GRIN3A: variants seen among roughly 807,000 people sequenced by gnomAD.
The protein encoded by GRIN3A is glutamate receptor ionotropic, NMDA 3A.
Under a neutral mutation model 92.4 loss-of-function variants are expected in GRIN3A, and 47 were observed. The ratio of observed to expected loss-of-function variants is 0.51; its 90% CI spans 0.40 to 0.65. The LOEUF is 0.65. Ranked by LOEUF, GRIN3A falls within the 30% of genes least tolerant of loss-of-function variation. The pLI is 0.00. For synonymous variants in GRIN3A, 527 were observed against 540.6 expected, an observed-to-expected ratio of 0.97 and a Z score of 0.35; for missense variants, 1,324 against 1,393.1, an observed-to-expected ratio of 0.95 and a Z score of 0.79.
chr9:101,620,383 C>T lies in GRIN3A; in HGVS notation c.2614+2935G>A, dbSNP rs151018225. 2.0e-5 allele frequency among the ~76,000 whole-genome samples: 3 copies of T among 152,204 alleles called. No homozygotes were observed. In the East Asian group the frequency reaches 5.8e-4, roughly 29 times the overall value. On this transcript the variant is annotated intron_variant, in intron 5 of 8. Coordinates refer to ENST00000361820, the MANE Select transcript of GRIN3A (RefSeq NM_133445.3). Reference sequence around the variant, plus strand: ...GAAACTTCATGACCTAATACCATCACCCTGGGGATTAGGTTTCAACATATG... The same window carrying T: ...GAAACTTCATGACCTAATACCATCATCCTGGGGATTAGGTTTCAACATATG...
At chr9:101,669,114 T>A (rs563755533) in intron 3 of GRIN3A, among the ~76,000 whole-genome samples, 40 of 152,236 alleles carry the variant, frequency 2.6e-4, no homozygotes, top group African/African-American at 8.9e-4. Flanking sequence ...GTATCCTACA[T>A]GTTGGAATGC....
At chr9:101,664,615 CT>C (rs1474575673) in intron 3 of GRIN3A, among the ~76,000 whole-genome samples, 2 of 151,888 alleles carry the variant, frequency 1.3e-5, no homozygotes, top group African/African-American at 4.8e-5. Context: ...TTCTGACCCC[CT>C]ATCAGGAAAA....
At chr9:101,618,664 G>A (rs563489820) in intron 5 of GRIN3A, among the ~76,000 whole-genome samples, 79 of 152,120 alleles carry the variant, frequency 5.2e-4, no homozygotes, top group Non-Finnish European at 9.1e-4. Context: ...TGGAATGATG[G>A]GAAAAATAGG....
At chr9:101,577,946 C>A (rs1379911013) in intron 7 of GRIN3A, 102 bp from the exon 8 acceptor site, 8 of 842,518 alleles carry the variant, frequency 9.5e-6, no homozygotes, top group Middle Eastern at 2.2e-4. Context: ...TCGTTACAAA[C>A]CTTGGCCTCT....
At chr9:101,667,806 T>A (rs1373860197) in intron 3 of GRIN3A, among the ~76,000 whole-genome samples, 2 of 152,026 alleles carry the variant, frequency 1.3e-5, no homozygotes, top group Admixed American at 6.6e-5. Context: ...AAAAATTCTA[T>A]CACAACAATT....
At chr9:101,692,232 CTGTT>C (rs1394428016) in intron 1 of GRIN3A, among the ~76,000 whole-genome samples, 1 of 152,086 alleles carries the variant, frequency 6.6e-6, no homozygotes, top group Non-Finnish European at 1.5e-5. Flanking sequence ...TTGGGAGAGG[CTGTT>C]TATTTGGGAG....
chr9:101,613,534 G>A lies in GRIN3A; in HGVS notation c.2615-7C>T, dbSNP rs769122436. 1.2e-6 allele frequency: 2 copies of A among 1,613,996 alleles called. No individual in the cohort carries two copies. The highest frequency in any genetic ancestry group is 2.2e-5 in the South Asian group (2 of 91,054). On this transcript the variant is annotated splice_polypyrimidine_tract_variant and splice_region_variant and intron_variant, in intron 5 of 8. Coordinates refer to ENST00000361820, the MANE Select transcript of GRIN3A (RefSeq NM_133445.3). ...GGGAGGCCAATGCCGTATCCTAGAA[G>A]AAAATACAATCTCAGATGAGTTTTT...
chr9:101,694,650 A>G (rs999952041), intron 1 of GRIN3A, among the ~76,000 whole-genome samples: 2 of 152,156 alleles, frequency 1.3e-5, no homozygotes. Flanking sequence ...CAGCCCACTC[A>G]TATAAATTAT....
At chr9:101,724,069 C>T (rs939216122) in intron 1 of GRIN3A, among the ~76,000 whole-genome samples, 44 of 152,332 alleles carry the variant, frequency 2.9e-4, no homozygotes, top group African/African-American at 9.6e-4. Context: ...GATCCTGCAC[C>T]GGGGCTGCAG....
intron 6 of GRIN3A, among the ~76,000 whole-genome samples, chr9:101,580,616 A>G (rs1023194187): frequency 9.9e-5 from 15 of 152,230 alleles, no homozygotes; most frequent in African/African-American, 3.6e-4. Context: ...AAGTGAGACC[A>G]GAGAAGTGTA....
chr9:101,677,344 T>C (rs1171927015), intron 2 of GRIN3A, among the ~76,000 whole-genome samples: 1 of 152,028 alleles, frequency 6.6e-6, no homozygotes, highest in Non-Finnish European at 1.5e-5. Context: ...TCTTTAATAC[T>C]CTTTATTTTA....
chr9:101,661,748 G>C (rs1266685175), intron 3 of GRIN3A, among the ~76,000 whole-genome samples: 1 of 151,772 alleles, frequency 6.6e-6, no homozygotes, highest in Non-Finnish European at 1.5e-5. Context: ...GGGCGAAAGG[G>C]CATAAACTCT....
At chr9:101,726,758 A>T (rs969933836) in intron 1 of GRIN3A, among the ~76,000 whole-genome samples, 2 of 151,378 alleles carry the variant, frequency 1.3e-5, no homozygotes, top group Non-Finnish European at 2.9e-5. Context: ...TAAATTTTTA[A>T]AAAGTTTTTT....
chr9:101,707,616 G>A (rs1287098772), intron 1 of GRIN3A, among the ~76,000 whole-genome samples: 2 of 152,108 alleles, frequency 1.3e-5, no homozygotes, highest in Non-Finnish European at 2.9e-5. Flanking sequence ...AAGCAACATT[G>A]ATTTTGTTTT....
intron 6 of GRIN3A, chr9:101,594,920 A>G (rs1343380268): frequency 2.5e-6 from 4 of 1,598,150 alleles, no homozygotes; most frequent in South Asian, 2.2e-5. Context: ...CTCGTTTCCC[A>G]TTGTGGACAT....
chr9:101,666,749 A>G (rs1269755416), intron 3 of GRIN3A, among the ~76,000 whole-genome samples: 1 of 151,978 alleles, frequency 6.6e-6, no homozygotes, highest in Non-Finnish European at 1.5e-5. Context: ...CTTCTCAGAC[A>G]CTCAGGCCTG....
chr9:101,648,577 A>C (rs1187448500), intron 3 of GRIN3A, among the ~76,000 whole-genome samples: 1 of 152,052 alleles, frequency 6.6e-6, no homozygotes, highest in Non-Finnish European at 1.5e-5. Context: ...CTACTATTAA[A>C]GTATTACCAT....
At chr9:101,651,180 G>T (rs946438492) in intron 3 of GRIN3A, among the ~76,000 whole-genome samples, 2 of 151,936 alleles carry the variant, frequency 1.3e-5, no homozygotes, top group African/African-American at 2.4e-5. Context: ...TTTCTGATTT[G>T]GTCTTAACTG....
At chr9:101,673,433 T>C (rs527949586) in intron 2 of GRIN3A, among the ~76,000 whole-genome samples, 1 of 152,154 alleles carries the variant, frequency 6.6e-6, no homozygotes, top group Non-Finnish European at 1.5e-5. Flanking sequence ...GAAAATCCAA[T>C]GCTTGTTTCA....
Sources: allele counts gnomAD v4.1 joint callset (sites outside exome capture counted in the v4.1 genomes callset), GRCh38; gene constraint gnomAD v4.1.1; transcripts MANE v1.5; gene names NCBI Gene and HGNC (gene_info 2026-07-23, HGNC 2026-07-21).